PCDHA9: variants seen among roughly 807,000 people sequenced by gnomAD.
The protein encoded by PCDHA9 is protocadherin alpha 9, also known as protocadherin alpha-9.
Under a neutral mutation model 62.0 loss-of-function variants are expected in PCDHA9, and 62 were observed. That is an observed-to-expected ratio of 1.00 (90% confidence interval 0.81 to 1.23). PCDHA9 has a LOEUF of 1.23. Ranked by LOEUF, PCDHA9 falls within the 50% of genes most tolerant of loss-of-function variation. The pLI, the probability that PCDHA9 is intolerant of heterozygous loss-of-function variation, is 0.00. For synonymous variants in PCDHA9, 557 were observed against 567.6 expected, an observed-to-expected ratio of 0.98 and a Z score of 0.27; for missense variants, 1,205 against 1,249.8, an observed-to-expected ratio of 0.96 and a Z score of 0.54.
At chr5:140,960,455 T>A (rs1585839337) in intron 1 of PCDHA9, among the ~76,000 whole-genome samples, 3 of 152,274 alleles carry the variant, frequency 2.0e-5, no homozygotes, top group African/African-American at 7.2e-5. Flanking sequence ...ATGGATAATT[T>A]TGAGAAGTAA....
chr5:141,010,438 CAAAT>C lies in PCDHA9; in HGVS notation c.*505_*508del, dbSNP rs2098417279. On this transcript the variant is annotated 3_prime_UTR_variant, in exon 4 of 4. Transcript: ENST00000532602. ...TACAAGGAAGGCAAGAAAACAAAGA[CAAAT>C]AAACAGCGGAAGTTATCAGTATGGA... 2.0e-6 allele frequency: 2 copies of C among 998,926 alleles called. No homozygotes were observed. The highest frequency in any genetic ancestry group is 2.8e-6 in the Non-Finnish European group (2 of 704,790). The allele number at this position is 998,926 out of a possible 1,614,324, so 61.9% of individuals were successfully genotyped here.
At position 141,009,879 on chromosome 5, in the gene PCDHA9, A is replaced by G; in HGVS notation, c.2795A>G (p.Asn932Ser). Reference protein sequence around the residue: ...TKKKKKKKKGNKTQEKKEKGN... With the variant: ...TKKKKKKKKGSKTQEKKEKGN... ...AAAAAGAAGAAAAAGAAGAAGGGTA[A>G]CAAGACCCAGGAGAAAAAAGAGAAA... Residue 932 changes from asparagine (N) to serine (S), a missense_variant, in exon 4 of 4, where the codon AAC (asparagine) becomes AGC (serine). Asn to Ser is a conservative substitution (Grantham distance 46). This residue lies in a region of PCDHA9 where 887 missense variants were observed against 809.5 expected (regional missense o/e 1.10). Coordinates refer to ENST00000532602, the MANE Select transcript of PCDHA9 (RefSeq NM_031857.2). 12 of 1,613,884 alleles carry G rather than the reference A, an allele frequency of 7.4e-6. No individual in the cohort carries two copies. Among genetic ancestry groups the G allele is most frequent in the Non-Finnish European group, 1.0e-5 (12 of 1,179,984 alleles).
intron 3 of PCDHA9, among the ~76,000 whole-genome samples, chr5:141,001,563 C>A (rs531745574): frequency 6.6e-6 from 1 of 152,296 alleles, no homozygotes; most frequent in South Asian, 2.1e-4. Context: ...GACCACGATT[C>A]TCCTGTGTTT....
chr5:141,001,567 T>A (rs116015618), intron 3 of PCDHA9, among the ~76,000 whole-genome samples: 2 of 152,294 alleles, frequency 1.3e-5, no homozygotes, highest in African/African-American at 4.8e-5. Context: ...ACGATTCTCC[T>A]GTGTTTTGTG....
chr5:140,980,810 GA>G (rs1410107766), intron 2 of PCDHA9, among the ~76,000 whole-genome samples: 5 of 152,024 alleles, frequency 3.3e-5, no homozygotes, highest in Non-Finnish European at 7.4e-5. Context: ...GTAATACATT[GA>G]ACATATTAAA....
rs2096830970 is a variant in PCDHA9, at chr5:140,978,991, A to C, written c.2437A>C (p.Arg813=). Residue 813 remains arginine, a synonymous_variant, in exon 2 of 4, where the codon AGA becomes CGA. Coordinates refer to ENST00000532602, the MANE Select transcript of PCDHA9 (RefSeq NM_031857.2). ...TGACTGGCGTTACTCTGCCTCCCTG[A>C]GAGCAGGCATGCACAGGTATGTATT... ...NPDWRYSASL[R]AGMHSSVHLE... is the part of the protein sequence containing the mutation. 1.2e-6 allele frequency: 2 copies of C among 1,614,188 alleles called. No individual in the cohort carries two copies. Among genetic ancestry groups the C allele is most frequent in the East Asian group, 2.2e-5 (1 of 44,882 alleles).
At chr5:140,865,235 C>A (rs982582356) in intron 1 of PCDHA9, 2 of 152,098 alleles carry the variant, frequency 1.3e-5, no homozygotes, top group African/African-American at 4.8e-5. Flanking sequence ...CCAGAGAACA[C>A]GTATTTATAG....
intron 1 of PCDHA9, chr5:140,930,064 C>G (rs2153602971): frequency 6.6e-6 from 1 of 152,306 alleles, no homozygotes; most frequent in Non-Finnish European, 1.5e-5. Context: ...TACACAAAAA[C>G]TGTAAGCCTC....
intron 1 of PCDHA9, chr5:140,855,785 A>G (rs2043622079): frequency 4.7e-6 from 2 of 426,874 alleles, no homozygotes; most frequent in Non-Finnish European, 4.2e-6. Context: ...ACGTAAAAAA[A>G]GAATTAACAT....
chr5:140,916,003 A>G (rs971043760), intron 1 of PCDHA9, among the ~76,000 whole-genome samples: 1 of 152,146 alleles, frequency 6.6e-6, no homozygotes, highest in Non-Finnish European at 1.5e-5. Context: ...CACTCAAACC[A>G]CAAGACAAAG....
chr5:140,895,413 C>T (rs141941836), intron 1 of PCDHA9, among the ~76,000 whole-genome samples: 52 of 152,240 alleles, frequency 3.4e-4, no homozygotes, highest in African/African-American at 1.0e-3. Flanking sequence ...GCCCCATAAC[C>T]TTCTTTTGCT....
rs140711682 is a variant in PCDHA9, at chr5:140,849,699, A to T, written c.1204A>T (p.Lys402Ter). Residue 402 changes from lysine (K) to a stop codon, truncating the protein, a stop_gained, in exon 1 of 4, where the codon AAG (lysine) becomes TAG (stop). Coordinates refer to ENST00000532602, the MANE Select transcript of PCDHA9 (RefSeq NM_031857.2). LOFTEE classifies it high-confidence loss of function. ...CCCCTTCAAGCTGGTGTCCACCTACAAGAATTACTACTCGTTGGTGCTGGA... is the reference window on the plus strand; with the variant it reads ...CCCCTTCAAGCTGGTGTCCACCTACTAGAATTACTACTCGTTGGTGCTGGA... The part of the protein sequence containing the change: ...HVPFKLVSTY[K>*]NYYSLVLDRA... 57 of 1,598,608 alleles carry T rather than the reference A, an allele frequency of 3.6e-5. 2 individuals carry two copies. The African/African-American group carries it at 7.7e-4, about 21-fold the overall frequency.
chr5:140,951,933 A>T (rs2094659165), intron 1 of PCDHA9, among the ~76,000 whole-genome samples: 1 of 152,164 alleles, frequency 6.6e-6, no homozygotes, highest in African/African-American at 2.4e-5. Context: ...TACTCCCAAG[A>T]TACAGTGCGG....
At chr5:140,865,843 A>G (rs539804831) in intron 1 of PCDHA9, 2 of 152,278 alleles carry the variant, frequency 1.3e-5, no homozygotes, top group South Asian at 4.1e-4. Context: ...TTAGTAAGTC[A>G]TTTCTCTGCT....
At chr5:140,940,470 A>AT (rs201096499) in intron 1 of PCDHA9, among the ~76,000 whole-genome samples, 9 of 149,600 alleles carry the variant, frequency 6.0e-5, no homozygotes, top group East Asian at 5.9e-4. Context: ...GTTCCCTGCA[A>AT]TTTTTTTTTT....
intron 1 of PCDHA9, chr5:140,863,366 C>T (rs1408958867): frequency 6.7e-6 from 8 of 1,190,328 alleles, no homozygotes; most frequent in African/African-American, 4.6e-5. Flanking sequence ...CGGTGCTTGG[C>T]GCAGCTCACC....
chr5:140,877,508 C>G (rs892674985), intron 1 of PCDHA9: 1 of 1,613,808 alleles, frequency 6.2e-7, no homozygotes, highest in Admixed American at 1.7e-5. Flanking sequence ...CCAAAGACGT[C>G]GTCGCGGGCC....
At chr5:141,005,956 A>G (rs1272905916) in intron 3 of PCDHA9, among the ~76,000 whole-genome samples, 2 of 152,020 alleles carry the variant, frequency 1.3e-5, no homozygotes, top group Admixed American at 1.3e-4. Flanking sequence ...CTAACAAACA[A>G]CAATAAAAAA....
At chr5:141,000,412 TATA>T (rs2097919742) in intron 3 of PCDHA9, among the ~76,000 whole-genome samples, 3 of 102,806 alleles carry the variant, frequency 2.9e-5, no homozygotes, top group African/African-American at 7.7e-5. Flanking sequence ...TATATATATA[TATA>T]TATATATTTT....
Sources: allele counts gnomAD v4.1 joint callset (sites outside exome capture counted in the v4.1 genomes callset), GRCh38; gene constraint gnomAD v4.1.1; regional missense constraint gnomAD v4.1.1; transcripts MANE v1.5; gene names NCBI Gene and HGNC (gene_info 2026-07-23, HGNC 2026-07-21).